Variants in KANSL1L observed in about 807,000 individuals in gnomAD.
KANSL1L encodes KAT8 regulatory NSL complex subunit 1-like protein.
KANSL1L carries 25 observed loss-of-function variants against 108.6 expected under a neutral mutation model. That is an observed-to-expected ratio of 0.23 (90% CI 0.17 to 0.32). The LOEUF (loss-of-function observed/expected upper bound fraction) is 0.32. Among genes scored for constraint, KANSL1L ranks in the 10% least tolerant of loss-of-function variants. The pLI, the probability that KANSL1L is intolerant of heterozygous loss-of-function variation, is 1.00. For synonymous variants in KANSL1L, 405 were observed against 395.1 expected (o/e 1.03, Z -0.30); for missense variants, 1,137 against 1,125.7 (o/e 1.01, Z -0.14).
At chr2:210,035,926 G>C (rs139248793) in intron 8 of KANSL1L, among the ~76,000 whole-genome samples, 2 of 152,140 alleles carry the variant, frequency 1.3e-5, no homozygotes, top group African/African-American at 2.4e-5. Context: ...AGAATTTCAG[G>C]TCCCATTCCA....
At chr2:210,076,431 C>T (rs2094542774) in intron 5 of KANSL1L, among the ~76,000 whole-genome samples, 1 of 152,134 alleles carries the variant, frequency 6.6e-6, no homozygotes, top group African/African-American at 2.4e-5. Flanking sequence ...AGGTGATCCG[C>T]CCATCTTGGC....
intron 3 of KANSL1L, among the ~76,000 whole-genome samples, chr2:210,109,129 A>G (rs866306176): frequency 1.3e-5 from 2 of 152,164 alleles, no homozygotes; most frequent in Non-Finnish European, 1.5e-5. Context: ...CCTCTGACCC[A>G]TAAGTATTCT....
chr2:210,172,472 A>T (rs539657424), upstream of KANSL1L, among the ~76,000 whole-genome samples: 26 of 152,342 alleles, frequency 1.7e-4, no homozygotes, highest in South Asian at 5.4e-3. Context: ...GGAATTGGAA[A>T]ATTAGCTACT....
At chr2:210,085,544 G>C (rs2094629207) in intron 5 of KANSL1L, among the ~76,000 whole-genome samples, 1 of 152,066 alleles carries the variant, frequency 6.6e-6, no homozygotes, top group Non-Finnish European at 1.5e-5. Context: ...GGCACTTACA[G>C]ATAATTTCTA....
intron 3 of KANSL1L, among the ~76,000 whole-genome samples, chr2:210,115,962 A>C (rs760983572): frequency 3.7e-4 from 57 of 152,338 alleles, no homozygotes; most frequent in Middle Eastern, 3.4e-3. Flanking sequence ...CAGCATCTTT[A>C]TAAGAGCTAA....
chr2:210,069,892 G>T (rs2094494513), intron 6 of KANSL1L, among the ~76,000 whole-genome samples: 1 of 118,004 alleles, frequency 8.5e-6, no homozygotes, highest in South Asian at 2.9e-4. Context: ...GCAGTGGTAG[G>T]ATCTCTGCTC....
chr2:210,108,677 G>A (rs1043003516), intron 3 of KANSL1L, among the ~76,000 whole-genome samples: 4 of 152,082 alleles, frequency 2.6e-5, no homozygotes, highest in Non-Finnish European at 4.4e-5. Flanking sequence ...GAGATTATGC[G>A]GTGATCTTGA....
At chr2:210,093,953 G>A (rs1007562355) in intron 5 of KANSL1L, among the ~76,000 whole-genome samples, 3 of 152,116 alleles carry the variant, frequency 2.0e-5, no homozygotes, top group Non-Finnish European at 2.9e-5. Flanking sequence ...AGTACAATAA[G>A]TTTGTCACAA....
intron 6 of KANSL1L, among the ~76,000 whole-genome samples, chr2:210,069,652 C>T (rs914820573): frequency 6.6e-6 from 1 of 152,194 alleles, no homozygotes; most frequent in East Asian, 1.9e-4. Context: ...TCTGATGGCT[C>T]TAGGGGAGAA....
chr2:210,124,653 G>A (rs1236985825), intron 3 of KANSL1L, among the ~76,000 whole-genome samples: 1 of 151,756 alleles, frequency 6.6e-6, no homozygotes, highest in Non-Finnish European at 1.5e-5. Context: ...ATAAAGATTA[G>A]GGTAGAGCTA....
At chr2:210,055,233 C>A (rs535712753) in intron 6 of KANSL1L, among the ~76,000 whole-genome samples, 1 of 152,344 alleles carries the variant, frequency 6.6e-6, no homozygotes, top group South Asian at 2.1e-4. Context: ...TCCCCTTCTT[C>A]CATGATTGTA....
At chr2:210,111,233 A>C (rs116119577) in intron 3 of KANSL1L, among the ~76,000 whole-genome samples, 285 of 152,284 alleles carry the variant, frequency 1.9e-3, no homozygotes, top group Admixed American at 3.9e-3. Flanking sequence ...AAACTAAAAC[A>C]ACCTAAATTT....
Position 210,153,991 on chromosome 2 carries a change from T to C in KANSL1L, c.592A>G (p.Lys198Glu). ...TTTGAGTGGCCAGGTACAATTTTCT[T>C]TTGAGTACAGTGCAATAAACCCTTT... ...IKKGLLHCTQ[K>E]KIVPGHSNVP... Residue 198 changes from lysine to glutamate, a missense_variant, in exon 2 of 15, where the codon AAG becomes GAG. Around this residue, in one of 3 missense-constraint regions of KANSL1L, gnomAD observed 556 missense variants for 537.7 expected, o/e 1.03. Transcript: ENST00000281772. The C allele has an allele frequency of 6.2e-7, 1 of 1,613,798 alleles. No individual in the cohort carries two copies. The highest frequency in any genetic ancestry group is 8.5e-7 in the Non-Finnish European group (1 of 1,180,014).
intron 6 of KANSL1L, among the ~76,000 whole-genome samples, chr2:210,066,900 G>C (rs926317131): frequency 6.6e-6 from 1 of 152,182 alleles, no homozygotes; most frequent in Non-Finnish European, 1.5e-5. Flanking sequence ...CAGAAAGCTG[G>C]TAAAACATTA....
Position 210,146,308 on chromosome 2 carries a change from T to C in KANSL1L, c.1088+7187A>G, listed in dbSNP as rs368230722. Among the ~76,000 whole-genome samples the C allele has an allele frequency of 3.9e-5, 6 of 152,334 alleles. 1 individual carries two copies. In the South Asian group the frequency reaches 1.0e-3, roughly 26 times the overall value. On this transcript the variant is annotated intron_variant, in intron 2 of 14. Transcript: ENST00000281772. ...GCCCTCCCAAGGCTACTTTCATTCA[T>C]GGAAAGATATCTAGTTCTTGTTTTT... is the stretch of plus-strand genomic sequence containing the variant.
At position 210,075,753 on chromosome 2, in the gene KANSL1L, T is replaced by A; in HGVS notation, c.1554A>T (p.Ala518=). ...AAGACAGCTCATCTAAATTCTCTGA[T>A]GCACTGAAATGCCATGAAATAATTA... ...KCLANGIYRS[A]SENLDELSSS... is the part of the protein sequence containing the mutation. Residue 518 remains alanine (A), a synonymous_variant, in exon 6 of 15, where the codon GCA becomes GCT. Transcript: ENST00000281772. 1 of 1,610,372 alleles carries A rather than the reference T, an allele frequency of 6.2e-7. No homozygotes were observed. The highest frequency in any genetic ancestry group is 8.5e-7 in the Non-Finnish European group (1 of 1,176,766).
chr2:210,057,907 T>C lies in KANSL1L; in HGVS notation c.1756-13803A>G, dbSNP rs542666662. On this transcript the variant is annotated intron_variant, in intron 6 of 14. Coordinates refer to ENST00000281772, the MANE Select transcript of KANSL1L (RefSeq NM_152519.4). ...TAAGCTGAGGAGGATGTACATCACC[T>C]CAGGACCCTGTGATGATTGCATTAA... Among the ~76,000 whole-genome samples, 196 of 152,264 alleles carry C rather than the reference T, an allele frequency of 1.3e-3. 1 individual carries two copies. Among genetic ancestry groups the C allele is most frequent in the Non-Finnish European group, 2.4e-3 (162 of 68,022 alleles).
At chr2:210,036,800 A>C (rs1274040884) in intron 8 of KANSL1L, among the ~76,000 whole-genome samples, 1 of 152,124 alleles carries the variant, frequency 6.6e-6, no homozygotes, top group Non-Finnish European at 1.5e-5. Context: ...TTTGTCACCC[A>C]CCCTGAGGTG....
At chr2:210,137,037 G>A (rs374553134) in intron 2 of KANSL1L, among the ~76,000 whole-genome samples, 3 of 152,248 alleles carry the variant, frequency 2.0e-5, no homozygotes, top group East Asian at 3.9e-4. Context: ...ACTGGCATTT[G>A]TACCTAAAAT....
Sources: gnomAD v4.1 joint callset for allele counts (sites outside exome capture counted in the v4.1 genomes callset) on GRCh38, gnomAD v4.1.1 for gene constraint, gnomAD v4.1.1 regional missense constraint, MANE v1.5 for transcripts, NCBI Gene and HGNC (gene_info 2026-07-23, HGNC 2026-07-21) for gene names.